FRMD3: variants seen among roughly 807,000 people sequenced by gnomAD.
FRMD3 encodes the protein FERM domain-containing protein 3.
In FRMD3, 33 loss-of-function variants were observed where a neutral mutation model predicts 70.2. The ratio of observed to expected loss-of-function variants is 0.47; its 90% confidence interval spans 0.36 to 0.63. FRMD3 has a LOEUF of 0.63. Ranked by LOEUF, FRMD3 falls within the 20% of genes least tolerant of loss-of-function variation. The pLI, the probability that FRMD3 is intolerant of heterozygous loss-of-function variation, is 0.00. For missense variants in FRMD3, 632 were observed against 711.4 expected, an observed-to-expected ratio of 0.89 and a Z score of 1.27; for synonymous variants, 279 against 255.9, an observed-to-expected ratio of 1.09 and a Z score of -0.86.
At chr9:83,267,301 T>A in intron 13 of FRMD3, 1 of 1,449,216 alleles carries the variant, frequency 6.9e-7, no homozygotes, top group Non-Finnish European at 9.1e-7. Flanking sequence ...GGGATCAGCA[T>A]TGGGAGGGGA....
At chr9:83,529,654 G>T (rs1829754501) in intron 1 of FRMD3, among the ~76,000 whole-genome samples, 3 of 151,972 alleles carry the variant, frequency 2.0e-5, no homozygotes, top group Admixed American at 6.6e-5. Flanking sequence ...TATATAAATT[G>T]GACTTTATCA....
At chr9:83,467,571 A>T in intron 1 of FRMD3, 2 of 1,167,222 alleles carry the variant, frequency 1.7e-6, no homozygotes, top group Non-Finnish European at 2.5e-6. Flanking sequence ...ATTATGTTAA[A>T]TAAAAGCGTA....
chr9:83,314,057 G>A (rs533423701), intron 6 of FRMD3, among the ~76,000 whole-genome samples: 6 of 152,210 alleles, frequency 3.9e-5, no homozygotes, highest in South Asian at 4.1e-4. Context: ...ACCTTAATAC[G>A]AAATAAAACT....
chr9:83,427,199 G>C (rs1826835357), intron 1 of FRMD3, among the ~76,000 whole-genome samples: 1 of 152,196 alleles, frequency 6.6e-6, no homozygotes, highest in Non-Finnish European at 1.5e-5. Flanking sequence ...AGGAGTATAG[G>C]CTTGGGAAGC....
rs549179069 is a variant in FRMD3, at chr9:83,367,479, G to C, written c.295+5434C>G. On this transcript the variant is annotated intron_variant, in intron 3 of 13. Coordinates refer to ENST00000304195, the MANE Select transcript of FRMD3 (RefSeq NM_174938.6). ...TCTGAAAAGTAAATAGTAGCAAGCA[G>C]ATGGGAAAAGAAGATGAGAATGCAA... 2.0e-5 allele frequency among the ~76,000 whole-genome samples: 3 copies of C among 152,278 alleles called. No homozygotes were observed. The South Asian group carries it at 6.2e-4, about 32-fold the overall frequency.
At chr9:83,321,731 T>C (rs1167295469) in intron 6 of FRMD3, among the ~76,000 whole-genome samples, 1 of 152,220 alleles carries the variant, frequency 6.6e-6, no homozygotes, top group African/African-American at 2.4e-5. Context: ...AGTTTCTTTG[T>C]TAATATTCTG....
chr9:83,332,761 A>G (rs536721529), intron 6 of FRMD3, among the ~76,000 whole-genome samples: 101 of 152,316 alleles, frequency 6.6e-4, no homozygotes, highest in African/African-American at 2.3e-3. Flanking sequence ...ACCCCAACAA[A>G]AGCCAACTGG....
chr9:83,271,781 A>C (rs1031456906), intron 13 of FRMD3, among the ~76,000 whole-genome samples: 8 of 152,210 alleles, frequency 5.3e-5, no homozygotes, highest in Non-Finnish European at 1.5e-5. Flanking sequence ...ATCACCTTGT[A>C]GAGTCTGGGG....
At chr9:83,342,917 C>A (rs1823821481) in intron 5 of FRMD3, among the ~76,000 whole-genome samples, 1 of 152,184 alleles carries the variant, frequency 6.6e-6, no homozygotes, top group Non-Finnish European at 1.5e-5. Context: ...ATTCCAGCCC[C>A]TTTGAAAGAG....
At chr9:83,419,833 G>A (rs1280784658) in intron 1 of FRMD3, among the ~76,000 whole-genome samples, 1 of 152,064 alleles carries the variant, frequency 6.6e-6, no homozygotes, top group African/African-American at 2.4e-5. Context: ...TTTTACAATT[G>A]TTGTTGTTAT....
At chr9:83,412,479 A>G (rs1241671279) in intron 1 of FRMD3, among the ~76,000 whole-genome samples, 1 of 152,258 alleles carries the variant, frequency 6.6e-6, no homozygotes, top group Non-Finnish European at 1.5e-5. Flanking sequence ...GGCTGTACAA[A>G]TTTACACTTC....
downstream of FRMD3, chr9:83,244,523 G>GTTT (rs1831997700): frequency 1.2e-5 from 3 of 251,260 alleles, no homozygotes; most frequent in Admixed American, 6.6e-5. Context: ...ACCATTATAT[G>GTTT]TTGACCTCAT....
intron 13 of FRMD3, among the ~76,000 whole-genome samples, chr9:83,268,298 T>C (rs1018082037): frequency 6.6e-5 from 10 of 152,364 alleles, no homozygotes; most frequent in African/African-American, 2.2e-4. Context: ...TATGCATCAA[T>C]ATAAAATTGA....
the FRMD3 span, among the ~76,000 whole-genome samples, chr9:83,561,414 C>T: frequency 2.0e-5 from 3 of 152,166 alleles, no homozygotes; most frequent in Non-Finnish European, 4.4e-5. Flanking sequence ...ATTTACAGGG[C>T]GGCTGCTATG....
At chr9:83,570,047 G>C in the FRMD3 span, among the ~76,000 whole-genome samples, 3 of 152,148 alleles carry the variant, frequency 2.0e-5, no homozygotes, top group Admixed American at 1.3e-4. Flanking sequence ...TTTTCAGTTT[G>C]AGTTTTTGTC....
At chr9:83,445,341 A>ATAG (rs373189281) in intron 1 of FRMD3, among the ~76,000 whole-genome samples, 16 of 146,658 alleles carry the variant, frequency 1.1e-4, no homozygotes, top group East Asian at 2.0e-4. Flanking sequence ...CTCAAAAATA[A>ATAG]ATAGATAGAT....
intron 6 of FRMD3, among the ~76,000 whole-genome samples, chr9:83,329,888 T>C (rs10867992): frequency 0.19 from 29,483 of 152,190 alleles, 2,938 homozygotes; most frequent in Middle Eastern, 0.24. Context: ...AAAGACTAGC[T>C]GAGTAGAAAC....
intron 1 of FRMD3, among the ~76,000 whole-genome samples, chr9:83,519,583 AT>A (rs1218057648): frequency 6.6e-6 from 1 of 152,190 alleles, no homozygotes; most frequent in African/African-American, 2.4e-5. Flanking sequence ...AGACAGTGTG[AT>A]GATTCCTCAA....
At chr9:83,574,401 A>G in the FRMD3 span, among the ~76,000 whole-genome samples, 1 of 152,244 alleles carries the variant, frequency 6.6e-6, no homozygotes, top group Non-Finnish European at 1.5e-5. Flanking sequence ...TATTAGAGAT[A>G]ATAAACTACA....
Sources: gnomAD v4.1 joint callset for allele counts (sites outside exome capture counted in the v4.1 genomes callset) on GRCh38, gnomAD v4.1.1 for gene constraint, MANE v1.5 for transcripts, NCBI Gene and HGNC (gene_info 2026-07-23, HGNC 2026-07-21) for gene names.